The following NOVA1 variants were observed in gnomAD, a reference collection of about 807,000 sequenced individuals.
NOVA1 encodes the protein RNA-binding protein Nova-1.
A neutral mutation model predicts 38.0 loss-of-function variants in NOVA1; 7 were observed. The ratio of observed to expected loss-of-function variants is 0.18; its 90% CI spans 0.10 to 0.35. NOVA1 has a LOEUF of 0.35. NOVA1 is among the 10% of genes least tolerant of loss of function. NOVA1 has a pLI of 1.00. For synonymous variants in NOVA1, 270 were observed against 232.5 expected (o/e 1.16, Z -1.47); for missense variants, 460 against 616.0 (o/e 0.75, Z 2.68).
chr14:26,478,937 T>C (rs935376461), intron 3 of NOVA1: 2 of 151,892 alleles, frequency 1.3e-5, no homozygotes, highest in Non-Finnish European at 2.9e-5. Context: ...ATTATCAATT[T>C]CTATGTTTAT....
chr14:26,584,779 C>T (rs987202803), intron 2 of NOVA1, among the ~76,000 whole-genome samples: 2 of 151,414 alleles, frequency 1.3e-5, no homozygotes, highest in African/African-American at 2.4e-5. Context: ...AAGTCTTCTT[C>T]GAAATCTAAC....
At chr14:26,452,337 A>G (rs913134494) in intron 4 of NOVA1, among the ~76,000 whole-genome samples, 1 of 152,206 alleles carries the variant, frequency 6.6e-6, no homozygotes, top group Non-Finnish European at 1.5e-5. Context: ...CAAGGACAGT[A>G]GTTTTATATT....
intron 2 of NOVA1, among the ~76,000 whole-genome samples, chr14:26,548,933 C>A (rs1162507900): frequency 6.6e-6 from 1 of 151,992 alleles, no homozygotes; most frequent in African/African-American, 2.4e-5. Context: ...AACAGTGAGA[C>A]CCTATCTCTA....
intron 4 of NOVA1, among the ~76,000 whole-genome samples, chr14:26,457,263 C>T (rs1883262059): frequency 6.6e-6 from 1 of 151,946 alleles, no homozygotes; most frequent in South Asian, 2.1e-4. Flanking sequence ...TACTACGTGC[C>T]AGGTATAATT....
At chr14:26,459,230 G>A (rs1883452702) in intron 4 of NOVA1, among the ~76,000 whole-genome samples, 1 of 152,028 alleles carries the variant, frequency 6.6e-6, no homozygotes, top group Non-Finnish European at 1.5e-5. Flanking sequence ...ATATACAGGA[G>A]TATCATTTTT....
intron 2 of NOVA1, among the ~76,000 whole-genome samples, chr14:26,539,858 TA>T (rs1240944666): frequency 2.9e-5 from 4 of 139,876 alleles, no homozygotes; most frequent in Non-Finnish European, 6.2e-5. Context: ...ACTATAATAA[TA>T]AGAGGCAAAG....
At chr14:26,493,158 A>G (rs1160076160) in intron 2 of NOVA1, among the ~76,000 whole-genome samples, 3 of 152,162 alleles carry the variant, frequency 2.0e-5, no homozygotes, top group Admixed American at 1.3e-4. Context: ...TTATAGAATT[A>G]TAAATTAAAG....
chr14:26,479,711 T>A (rs1885284688), intron 3 of NOVA1: 1 of 394,232 alleles, frequency 2.5e-6, no homozygotes, highest in African/African-American at 2.1e-5. Flanking sequence ...AATTTGTGTC[T>A]ATAAATTTAA....
intron 3 of NOVA1, among the ~76,000 whole-genome samples, chr14:26,477,475 A>G (rs1885077958): frequency 6.6e-6 from 1 of 152,132 alleles, no homozygotes; most frequent in Admixed American, 6.5e-5. Flanking sequence ...GAAAGACCTG[A>G]GAGACCAGCA....
At position 26,448,219 on chromosome 14, in the gene NOVA1, C is replaced by T. The variant is rs750803453; in HGVS notation, c.1264G>A (p.Asp422Asn). ...TCTGGCACTGCTATTTCAACTACATCCTTGGATCCATCTGTGGACTTTTCT... is the reference window on the plus strand; with the variant it reads ...TCTGGCACTGCTATTTCAACTACATTCTTGGATCCATCTGTGGACTTTTCT... ...GTEKSTDGSKDVVEIAVPENL... is the reference protein window; with the variant it reads ...GTEKSTDGSKNVVEIAVPENL... Residue 422 changes from aspartate (D) to asparagine (N), a missense_variant, in exon 5 of 5, where the codon GAT becomes AAT. By Grantham distance (23) the Asp-to-Asn change is conservative. Coordinates refer to ENST00000539517, the MANE Select transcript of NOVA1 (RefSeq NM_002515.3). The surrounding 1 kb of genome is among the most constrained non-coding windows in gnomAD (Gnocchi z 5.3). The T allele has an allele frequency of 1.2e-6, 2 of 1,614,228 alleles. No individual in the cohort carries two copies. Among genetic ancestry groups the T allele is most frequent in the Non-Finnish European group, 8.5e-7 (1 of 1,180,040 alleles).
chr14:26,487,687 A>G (rs1404629170), intron 2 of NOVA1, among the ~76,000 whole-genome samples: 1 of 152,150 alleles, frequency 6.6e-6, no homozygotes, highest in African/African-American at 2.4e-5. Context: ...AGAAAATCGC[A>G]TATGTTTCAG....
intron 2 of NOVA1, among the ~76,000 whole-genome samples, chr14:26,578,927 T>C (rs889733069): frequency 5.9e-5 from 9 of 152,126 alleles, no homozygotes; most frequent in Non-Finnish European, 1.3e-4. Context: ...TCTCTACAGA[T>C]TTTAAAGATG....
chr14:26,559,513 A>G (rs1017816851), intron 2 of NOVA1, among the ~76,000 whole-genome samples: 1 of 152,200 alleles, frequency 6.6e-6, no homozygotes, highest in African/African-American at 2.4e-5. Flanking sequence ...AATGATATTC[A>G]AGATAGATTC....
intron 2 of NOVA1, among the ~76,000 whole-genome samples, chr14:26,586,762 AT>A (rs1028815856): frequency 6.6e-5 from 10 of 151,190 alleles, no homozygotes; most frequent in Admixed American, 6.6e-4. Flanking sequence ...ACCAGGCTAC[AT>A]GCTCCAGGCA....
At chr14:26,589,770 T>C (rs1893733553) in intron 2 of NOVA1, among the ~76,000 whole-genome samples, 1 of 151,836 alleles carries the variant, frequency 6.6e-6, no homozygotes, top group African/African-American at 2.4e-5. Context: ...CTAAAGACCC[T>C]ATCCTTGTTT....
chr14:26,522,344 T>C (rs1888960333), intron 2 of NOVA1, among the ~76,000 whole-genome samples: 1 of 152,146 alleles, frequency 6.6e-6, no homozygotes, highest in African/African-American at 2.4e-5. Flanking sequence ...ACTCATAAAA[T>C]ACATCTGCTG....
chr14:26,585,999 T>C (rs906686339), intron 2 of NOVA1, among the ~76,000 whole-genome samples: 9 of 151,398 alleles, frequency 5.9e-5, no homozygotes, highest in African/African-American at 1.9e-4. Flanking sequence ...AATGGTTCAT[T>C]CAGTCATTCA....
intron 2 of NOVA1, among the ~76,000 whole-genome samples, chr14:26,518,114 TAG>T (rs1411880971): frequency 5.3e-5 from 8 of 152,078 alleles, no homozygotes; most frequent in Non-Finnish European, 1.2e-4. Flanking sequence ...AGATAAATCA[TAG>T]AGTTATTTTG....
Position 26,506,176 on chromosome 14 carries a change from T to G in NOVA1, c.281-26033A>C, listed in dbSNP as rs539740573. Among the ~76,000 whole-genome samples, 30 of 147,932 alleles carry G rather than the reference T, an allele frequency of 2.0e-4. No homozygotes were observed. The South Asian group carries it at 6.0e-3, about 30-fold the overall frequency. On this transcript the variant is annotated intron_variant, in intron 2 of 4. Transcript: ENST00000539517. ...CTTATCATGTCTTAGAAAATAAATC[T>G]CATTCTTAGGCCCATGCTAAATTAC...
Sources: gnomAD v4.1 joint callset for allele counts (sites outside exome capture counted in the v4.1 genomes callset) on GRCh38, gnomAD v4.1.1 for gene constraint, Gnocchi (gnomAD v3.1) non-coding constraint, MANE v1.5 for transcripts, NCBI Gene and HGNC (gene_info 2026-07-23, HGNC 2026-07-21) for gene names.